LAMA3: variants seen among roughly 807,000 people sequenced by gnomAD.
LAMA3 encodes the protein laminin subunit alpha-3.
Under a neutral mutation model 402.0 loss-of-function variants are expected in LAMA3, and 281 were observed. That is an observed-to-expected ratio of 0.70 (90% CI 0.63 to 0.77). LAMA3 has a LOEUF of 0.77. Among genes scored for constraint, LAMA3 ranks in the 30% least tolerant of loss-of-function variants. LAMA3 has a pLI of 0.00. For missense variants in LAMA3, 3,840 were observed against 4,215.5 expected (o/e 0.91, Z 2.47); for synonymous variants, 1,431 against 1,558.4 (o/e 0.92, Z 1.93).
At chr18:23,912,306 T>C (rs2081459571) in intron 55 of LAMA3, among the ~76,000 whole-genome samples, 1 of 151,782 alleles carries the variant, frequency 6.6e-6, no homozygotes, top group Non-Finnish European at 1.5e-5. Flanking sequence ...GCTTAAAATA[T>C]AGTTTTAATG....
At chr18:23,832,532 G>A (rs948799380) in intron 23 of LAMA3, among the ~76,000 whole-genome samples, 52 of 152,308 alleles carry the variant, frequency 3.4e-4, no homozygotes, top group African/African-American at 1.2e-3. Flanking sequence ...GCTTGCAGGC[G>A]GAGGTGGGTT....
chr18:23,926,862 G>C (rs910941280), intron 62 of LAMA3, among the ~76,000 whole-genome samples: 4 of 152,236 alleles, frequency 2.6e-5, no homozygotes, highest in Non-Finnish European at 5.9e-5. Context: ...TATGGGAGTA[G>C]TTACTAACTT....
At chr18:23,887,439 G>A (rs943653613) in intron 41 of LAMA3, among the ~76,000 whole-genome samples, 5 of 152,204 alleles carry the variant, frequency 3.3e-5, no homozygotes, top group Admixed American at 2.0e-4. Context: ...CAACAGGCTC[G>A]GTGAGACATC....
chr18:23,810,325 C>T (rs748205591), intron 12 of LAMA3, 41 bp from the exon 13 acceptor site: 25 of 1,613,434 alleles, frequency 1.5e-5, no homozygotes, highest in Non-Finnish European at 1.9e-5. Flanking sequence ...CCTCCCATAC[C>T]TGCAACCCCC....
At chr18:23,836,946 G>T in intron 24 of LAMA3, 35 bp from the exon 25 acceptor site, 1 of 1,483,978 alleles carries the variant, frequency 6.7e-7, no homozygotes, top group Non-Finnish European at 9.4e-7. Context: ...GAGATGCCGG[G>T]AGTCAGGCTA....
At chr18:23,942,660 C>T (rs1426638412) in intron 68 of LAMA3, among the ~76,000 whole-genome samples, 1 of 151,206 alleles carries the variant, frequency 6.6e-6, no homozygotes, top group African/African-American at 2.4e-5. Context: ...TCACTACAAC[C>T]TCCACCTCCT....
chr18:23,832,031 C>A (rs2063498608), intron 23 of LAMA3, among the ~76,000 whole-genome samples: 1 of 152,172 alleles, frequency 6.6e-6, no homozygotes, highest in Non-Finnish European at 1.5e-5. Flanking sequence ...TTTCTCAAAC[C>A]TGACTTTGCC....
At chr18:23,722,325 G>A (rs1014286276) in intron 2 of LAMA3, among the ~76,000 whole-genome samples, 1 of 152,216 alleles carries the variant, frequency 6.6e-6, no homozygotes. Context: ...TTACTCAGAG[G>A]CACTTGCTAA....
intron 12 of LAMA3, among the ~76,000 whole-genome samples, chr18:23,795,008 C>T (rs536760259): frequency 6.6e-6 from 1 of 152,246 alleles, no homozygotes; most frequent in Admixed American, 6.5e-5. Context: ...GGTTATGTGG[C>T]CATGTATCTG....
At chr18:23,932,386 C>A in intron 66 of LAMA3, 95 bp downstream of exon 66, 1 of 1,358,482 alleles carries the variant, frequency 7.4e-7, no homozygotes. Context: ...GCTTTGTCAA[C>A]ATGTGCTGCA....
chr18:23,825,651 TA>T (rs200251627), intron 21 of LAMA3, among the ~76,000 whole-genome samples: 7,176 of 144,686 alleles, frequency 0.05, 401 homozygotes, highest in Admixed American at 0.18. Flanking sequence ...CTTTATTGCT[TA>T]AAAAAAAAAA....
intron 11 of LAMA3, among the ~76,000 whole-genome samples, chr18:23,779,977 G>A (rs2062403027): frequency 6.6e-6 from 1 of 152,206 alleles, no homozygotes; most frequent in African/African-American, 2.4e-5. Context: ...CAGCTCTACA[G>A]GATGGGGCAG....
chr18:23,815,715 C>A, intron 17 of LAMA3, 142 bp downstream of exon 17: 1 of 712,692 alleles, frequency 1.4e-6, no homozygotes, highest in African/African-American at 1.7e-5. Context: ...GGAATTTGGC[C>A]AAACATTGAT....
In LAMA3 at chr18:23,881,964, A is replaced by G; in HGVS notation, c.5141A>G (p.His1714Arg). 1.9e-6 allele frequency: 3 copies of G among 1,614,028 alleles called. No homozygotes were observed. The highest frequency in any genetic ancestry group is 1.1e-5 in the South Asian group (1 of 91,086). The change falls in exon 40 of 75, where the codon CAC (histidine) becomes CGC (arginine). Residue 1714 changes from histidine (H) to arginine (R), a missense_variant. Physicochemically the swap from His to Arg is conservative, Grantham distance 29 (BLOSUM62 0). Transcript: ENST00000313654. Reference protein sequence around the residue: ...VNCQHNTAGEHCERCQEGYYG... With the variant: ...VNCQHNTAGERCERCQEGYYG... ...TGTCAGCACAACACCGCGGGAGAGCACTGTGAACGCTGCCAGGAGGGCTAC... is the reference window on the plus strand; with the variant it reads ...TGTCAGCACAACACCGCGGGAGAGCGCTGTGAACGCTGCCAGGAGGGCTAC...
At chr18:23,896,002 C>T (rs1394464460) in intron 44 of LAMA3, among the ~76,000 whole-genome samples, 1 of 152,186 alleles carries the variant, frequency 6.6e-6, no homozygotes, top group African/African-American at 2.4e-5. Flanking sequence ...AATGGATTTT[C>T]TGATTTTCCT....
chr18:23,740,099 C>G (rs1372374777), intron 2 of LAMA3, among the ~76,000 whole-genome samples: 2 of 152,180 alleles, frequency 1.3e-5, no homozygotes, highest in African/African-American at 4.8e-5. Flanking sequence ...AAAGTCATTA[C>G]AGAGAGTAGG....
intron 67 of LAMA3, among the ~76,000 whole-genome samples, chr18:23,935,039 A>G (rs2082272419): frequency 6.6e-6 from 1 of 152,264 alleles, no homozygotes; most frequent in Non-Finnish European, 1.5e-5. Context: ...GAAGTCATAT[A>G]TTCACTTTTT....
intron 67 of LAMA3, among the ~76,000 whole-genome samples, chr18:23,936,983 G>A (rs959927558): frequency 1.3e-5 from 2 of 152,206 alleles, no homozygotes; most frequent in Non-Finnish European, 2.9e-5. Flanking sequence ...AGATTACTAA[G>A]CTGGTAGCAG....
chr18:23,812,034 TAG>T (rs2063081582), intron 13 of LAMA3, among the ~76,000 whole-genome samples: 3 of 151,754 alleles, frequency 2.0e-5, no homozygotes, highest in African/African-American at 7.3e-5. Context: ...CCACCATGCC[TAG>T]CTAATTTTTT....
Sources: gnomAD v4.1 joint callset for allele counts (sites outside exome capture counted in the v4.1 genomes callset) on GRCh38, gnomAD v4.1.1 for gene constraint, MANE v1.5 for transcripts, NCBI Gene and HGNC (gene_info 2026-07-23, HGNC 2026-07-21) for gene names.